Variants in AP4E1 observed in about 807,000 individuals in gnomAD.
AP4E1 encodes adaptor related protein complex 4 subunit epsilon 1, also known as AP-4 complex subunit epsilon-1.
A neutral mutation model predicts 128.2 loss-of-function variants in AP4E1; 56 were observed. The observed-to-expected ratio is 0.44, with a 90% CI of 0.35 to 0.55. The LOEUF is 0.55. Ranked by LOEUF, AP4E1 falls within the 20% of genes least tolerant of loss-of-function variation. AP4E1 has a pLI of 0.00. For missense variants in AP4E1, 1,324 were observed against 1,307.7 expected (o/e 1.01, Z -0.19); for synonymous variants, 484 against 473.1 (o/e 1.02, Z -0.30).
intron 13 of AP4E1, among the ~76,000 whole-genome samples, chr15:50,951,886 C>T (rs2064155763): frequency 6.6e-6 from 1 of 151,950 alleles, no homozygotes; most frequent in Non-Finnish European, 1.5e-5. Context: ...GCCACTGCTT[C>T]TGGCTAATTT....
chr15:50,961,960 C>T (rs969083123), intron 14 of AP4E1, among the ~76,000 whole-genome samples: 3 of 148,746 alleles, frequency 2.0e-5, no homozygotes, highest in Non-Finnish European at 3.0e-5. Flanking sequence ...TACACCAAGC[C>T]AGAAAAAAAA....
upstream of AP4E1, among the ~76,000 whole-genome samples, chr15:50,908,079 G>C (rs1038580037): frequency 3.3e-5 from 5 of 152,136 alleles, no homozygotes; most frequent in Non-Finnish European, 7.4e-5. Flanking sequence ...GGTGGCCGCC[G>C]ACCAGTTCTC....
At chr15:50,976,815 C>G (rs988514044) in intron 15 of AP4E1, among the ~76,000 whole-genome samples, 10 of 151,994 alleles carry the variant, frequency 6.6e-5, no homozygotes, top group African/African-American at 2.4e-4. Context: ...TAAACTGAAG[C>G]AAGTGAGAAA....
intron 3 of AP4E1, among the ~76,000 whole-genome samples, chr15:50,916,222 G>A (rs541865048): frequency 2.5e-4 from 38 of 152,196 alleles, no homozygotes; most frequent in Non-Finnish European, 3.4e-4. Flanking sequence ...GAACCACTGC[G>A]CCTGGTCAAT....
rs1567220573 is a variant in AP4E1, at chr15:50,934,693, A to T, written c.939A>T (p.Thr313=). Residue 313 remains threonine, a synonymous_variant, in exon 8 of 21, where the codon ACA becomes ACT. Coordinates refer to ENST00000261842, the MANE Select transcript of AP4E1 (RefSeq NM_007347.5). ...GAGCTGAGTTAAATCACAATGTCAC[A>T]TATGGTAGGTAATATATGTAAATAT... The part of the protein sequence containing the change: ...LRRAELNHNV[T]YAILFECVHT... 6.3e-7 allele frequency: 1 copy of T among 1,593,946 alleles called. No individual in the cohort carries two copies. Among genetic ancestry groups the T allele is most frequent in the African/African-American group, 1.3e-5 (1 of 74,580 alleles).
chr15:50,938,024 T>A (rs770959872), intron 8 of AP4E1, among the ~76,000 whole-genome samples: 5 of 152,264 alleles, frequency 3.3e-5, no homozygotes, highest in Admixed American at 2.0e-4. Flanking sequence ...AGTAGGTAGA[T>A]AGAAGTACTT....
chr15:50,986,791 A>C (rs1042974325), intron 16 of AP4E1, among the ~76,000 whole-genome samples: 16 of 152,136 alleles, frequency 1.1e-4, no homozygotes, highest in African/African-American at 3.9e-4. Context: ...TGTCTCTGCT[A>C]GGCTTTGGTA....
upstream of AP4E1, chr15:50,908,672 A>G: frequency 7.7e-7 from 1 of 1,299,218 alleles, no homozygotes. Context: ...TTTCTTATTC[A>G]AAAAACAGGA....
At chr15:50,974,844 T>C (rs2064530852) in intron 15 of AP4E1, among the ~76,000 whole-genome samples, 1 of 152,138 alleles carries the variant, frequency 6.6e-6, no homozygotes, top group South Asian at 2.1e-4. Context: ...ATTTAAGTTA[T>C]TGGCCTATTT....
intron 3 of AP4E1, among the ~76,000 whole-genome samples, chr15:50,917,864 C>G (rs532082140): frequency 6.6e-6 from 1 of 152,290 alleles, no homozygotes; most frequent in South Asian, 2.1e-4. Context: ...CTTTGGGAGG[C>G]TGAGGCAGGC....
At chr15:50,910,420 C>T (rs561645313) in intron 1 of AP4E1, among the ~76,000 whole-genome samples, 2 of 152,172 alleles carry the variant, frequency 1.3e-5, no homozygotes, top group Admixed American at 1.3e-4. Flanking sequence ...ATGTGTTAGA[C>T]ACAGGAAAAT....
chr15:50,907,946 G>T (rs906201342), upstream of AP4E1, among the ~76,000 whole-genome samples: 5 of 152,208 alleles, frequency 3.3e-5, no homozygotes, highest in Admixed American at 1.3e-4. Context: ...GTTCTAAAGT[G>T]GAACAGAACC....
upstream of AP4E1, among the ~76,000 whole-genome samples, chr15:50,907,930 C>T (rs556970000): frequency 6.6e-6 from 1 of 152,302 alleles, no homozygotes; most frequent in Admixed American, 6.5e-5. Context: ...GTGGCAACTG[C>T]GACCTGTTCT....
At chr15:50,928,894 T>C (rs2063798359) in intron 5 of AP4E1, 115 bp from the exon 6 acceptor site, 1 of 984,002 alleles carries the variant, frequency 1.0e-6, no homozygotes, top group Admixed American at 2.2e-5. Context: ...GTTATCTCTT[T>C]CTTTGTAAAT....
intron 10 of AP4E1, chr15:50,945,551 T>C (rs777074610): frequency 1.3e-6 from 1 of 741,174 alleles, no homozygotes; most frequent in Non-Finnish European, 2.5e-6. Context: ...GGGAAAGAGC[T>C]TGTGTCTGCT....
intron 11 of AP4E1, among the ~76,000 whole-genome samples, 187 bp from the exon 12 acceptor site, chr15:50,949,639 T>G (rs1004497712): frequency 5.3e-5 from 8 of 152,206 alleles, no homozygotes; most frequent in African/African-American, 1.9e-4. Flanking sequence ...TTATTAAGTT[T>G]ATTAAATAAG....
intron 17 of AP4E1, among the ~76,000 whole-genome samples, chr15:50,994,468 CTT>C (rs2064844728): frequency 1.3e-5 from 2 of 152,196 alleles, no homozygotes; most frequent in South Asian, 4.1e-4. Flanking sequence ...ACTATATACT[CTT>C]TATCTTTGTC....
rs1379846079 is a variant in AP4E1 at position 50,908,717 on chromosome 15, G to T, written c.-62G>T. On this transcript the variant is annotated 5_prime_UTR_variant, in exon 1 of 21. Coordinates refer to ENST00000261842, the MANE Select transcript of AP4E1 (RefSeq NM_007347.5). ...GGAGGCCGGGCCGGCAGCGGCGGCC[G>T]GGCATGAAGCCGGGCGGCTACGGGA... The T allele has an allele frequency of 5.0e-6, 7 of 1,407,190 alleles. No individual in the cohort carries two copies. Among genetic ancestry groups the T allele is most frequent in the African/African-American group, 1.5e-5 (1 of 65,260 alleles). 87.2% of individuals were successfully genotyped at this position (1,407,190 alleles called of 1,614,324 possible). A position where few individuals can be genotyped will look rare whatever the true frequency, so the allele number is the denominator to read the frequency against.
At chr15:50,994,497 T>G (rs1297674988) in intron 17 of AP4E1, among the ~76,000 whole-genome samples, 1 of 152,194 alleles carries the variant, frequency 6.6e-6, no homozygotes, top group East Asian at 1.9e-4. Flanking sequence ...TTTTCTAGAC[T>G]CACCAGTCTA....
Sources: gnomAD v4.1 joint callset for allele counts (sites outside exome capture counted in the v4.1 genomes callset) on GRCh38, gnomAD v4.1.1 for gene constraint, MANE v1.5 for transcripts, NCBI Gene and HGNC (gene_info 2026-07-23, HGNC 2026-07-21) for gene names.